ENOX1: variants seen among roughly 807,000 people sequenced by gnomAD.
ENOX1 encodes ecto-NOX disulfide-thiol exchanger 1.
ENOX1 carries 42 observed loss-of-function variants against 82.5 expected under a neutral mutation model. The ratio of observed to expected loss-of-function variants is 0.51; its 90% CI spans 0.40 to 0.66. The LOEUF is 0.66. ENOX1 is among the 30% of genes least tolerant of loss of function. The pLI is 0.00. For synonymous variants in ENOX1, 271 were observed against 282.2 expected (o/e 0.96, Z 0.40); for missense variants, 608 against 811.6 (o/e 0.75, Z 3.05).
intron 14 of ENOX1, among the ~76,000 whole-genome samples, chr13:43,259,543 A>C (rs1167117723): frequency 6.6e-6 from 1 of 152,054 alleles, no homozygotes; most frequent in African/African-American, 2.4e-5. Flanking sequence ...ATCTCGGCTT[A>C]CTGCTACCTC....
chr13:43,764,629 GA>G (rs796072069), intron 1 of ENOX1, among the ~76,000 whole-genome samples: 28 of 144,724 alleles, frequency 1.9e-4, no homozygotes, highest in East Asian at 6.2e-4. Flanking sequence ...ATGGCTCTCA[GA>G]AAAAAAAAAC....
intron 1 of ENOX1, among the ~76,000 whole-genome samples, chr13:43,693,978 C>T (rs2086504408): frequency 6.6e-6 from 1 of 152,114 alleles, no homozygotes; most frequent in African/African-American, 2.4e-5. Context: ...GGTGACTGGT[C>T]TTCCTGAGAA....
intron 2 of ENOX1, among the ~76,000 whole-genome samples, chr13:43,624,117 TTC>T (rs1397594061): frequency 3.9e-5 from 6 of 152,364 alleles, no homozygotes; most frequent in Admixed American, 1.3e-4. Flanking sequence ...ATTTTACTTA[TTC>T]TGATTCATAT....
intron 2 of ENOX1, among the ~76,000 whole-genome samples, chr13:43,506,098 T>C (rs1284815209): frequency 2.6e-5 from 4 of 152,088 alleles, no homozygotes; most frequent in Admixed American, 6.6e-5. Flanking sequence ...TCTGTTCTCT[T>C]CCATTGGTCT....
chr13:43,590,950 A>G (rs1193950486), intron 2 of ENOX1, among the ~76,000 whole-genome samples: 1 of 152,214 alleles, frequency 6.6e-6, no homozygotes, highest in Non-Finnish European at 1.5e-5. Flanking sequence ...TTAAACCAGG[A>G]GGTATCATTT....
rs1952614304 is a variant in ENOX1, at chr13:43,786,299, A to G, written c.-285+353T>C. Reference sequence around the variant, plus strand: ...GAGACGGGTGCGGGGTGCGCTGTCCAAGGTGCAGGGGAGGTGACTGGCGCG... The same window carrying G: ...GAGACGGGTGCGGGGTGCGCTGTCCGAGGTGCAGGGGAGGTGACTGGCGCG... On this transcript the variant is annotated intron_variant, in intron 1 of 16. Coordinates refer to ENST00000690772, the MANE Select transcript of ENOX1 (RefSeq NM_001347969.2). This position sits in a 1 kb window ranked among gnomAD's most constrained non-coding sequence, Gnocchi z 6.0. 6.6e-6 allele frequency among the ~76,000 whole-genome samples: 1 copy of G among 152,072 alleles called. No individual in the cohort carries two copies. Among genetic ancestry groups the G allele is most frequent in the African/African-American group, 2.4e-5 (1 of 41,412 alleles).
At chr13:43,397,729 T>C (rs1388088069) in intron 5 of ENOX1, among the ~76,000 whole-genome samples, 1 of 152,252 alleles carries the variant, frequency 6.6e-6, no homozygotes. Flanking sequence ...GAGGAAAATA[T>C]AGTTTATTAC....
chr13:43,668,485 A>G (rs541539487), intron 1 of ENOX1, among the ~76,000 whole-genome samples: 189 of 152,326 alleles, frequency 1.2e-3, no homozygotes, highest in Non-Finnish European at 2.0e-3. Flanking sequence ...ATCTGGCTAA[A>G]TCTCTTTTCT....
intron 1 of ENOX1, among the ~76,000 whole-genome samples, chr13:43,740,064 T>C (rs558498075): frequency 6.7e-6 from 1 of 149,520 alleles, no homozygotes; most frequent in South Asian, 2.1e-4. Flanking sequence ...ACTGTGCAAG[T>C]GGTCGGTGCC....
chr13:43,434,061 G>T (rs1158715315), intron 3 of ENOX1, among the ~76,000 whole-genome samples: 1 of 152,186 alleles, frequency 6.6e-6, no homozygotes, highest in Non-Finnish European at 1.5e-5. Flanking sequence ...ACTGGCAGTA[G>T]GGCCTTCCCT....
intron 2 of ENOX1, among the ~76,000 whole-genome samples, chr13:43,495,494 T>C (rs1204637148): frequency 6.6e-6 from 1 of 152,066 alleles, no homozygotes; most frequent in Non-Finnish European, 1.5e-5. Flanking sequence ...AATCTTCCAG[T>C]AGTTAATTCA....
chr13:43,357,739 T>G (rs2153557984), intron 7 of ENOX1, among the ~76,000 whole-genome samples: 1 of 152,240 alleles, frequency 6.6e-6, no homozygotes, highest in African/African-American at 2.4e-5. Context: ...AACATCATCA[T>G]TAAGGACTTA....
At chr13:43,363,644 G>A (rs556383894) in intron 5 of ENOX1, among the ~76,000 whole-genome samples, 8 of 152,138 alleles carry the variant, frequency 5.3e-5, no homozygotes, top group South Asian at 2.1e-4. Context: ...CCTGGCCCTC[G>A]CTATTATTTG....
intron 7 of ENOX1, 24 bp from the exon 8 acceptor site, chr13:43,356,176 C>A: frequency 1.2e-6 from 2 of 1,608,864 alleles, no homozygotes; most frequent in South Asian, 2.2e-5. Flanking sequence ...AAACTCTGGT[C>A]ACACCATAAT....
chr13:43,633,548 T>C (rs1230080232), intron 2 of ENOX1, among the ~76,000 whole-genome samples: 2 of 152,040 alleles, frequency 1.3e-5, no homozygotes, highest in African/African-American at 2.4e-5. Context: ...CCAAGGAATG[T>C]TGTAGAGCTA....
intron 2 of ENOX1, among the ~76,000 whole-genome samples, chr13:43,518,587 C>T (rs1156966529): frequency 6.6e-6 from 1 of 151,104 alleles, no homozygotes; most frequent in Non-Finnish European, 1.5e-5. Context: ...AGAAAGGTGA[C>T]CAGATTTCCA....
chr13:43,710,870 C>A, intron 1 of ENOX1, among the ~76,000 whole-genome samples: 1 of 124,260 alleles, frequency 8.0e-6, no homozygotes, highest in South Asian at 2.4e-4. Context: ...AAAAGAAATA[C>A]CTTTTTTTTT....
At position 43,269,565 on chromosome 13, in the gene ENOX1, T is replaced by C; in HGVS notation, c.1459A>G (p.Ile487Val). 6.2e-7 allele frequency: 1 copy of C among 1,613,568 alleles called. No homozygotes were observed. Among genetic ancestry groups the C allele is most frequent in the East Asian group, 2.2e-5 (1 of 44,868 alleles). ...MQGMQQQLLT[I>V]QEELNNKKSE... ...TTTTTGTTGTTTAACTCCTCCTGGA[T>C]GGTTAGCAATTGCTGTGAAATTAAA... Residue 487 changes from isoleucine (I) to valine (V), a missense_variant, in exon 13 of 17, where the codon ATC (isoleucine) becomes GTC (valine). Ile to Val is a conservative substitution (Grantham distance 29). Transcript: ENST00000690772.
chr13:43,398,272 A>T (rs1407566747), intron 5 of ENOX1, among the ~76,000 whole-genome samples: 1 of 152,168 alleles, frequency 6.6e-6, no homozygotes, highest in Non-Finnish European at 1.5e-5. Flanking sequence ...TTATTTAAAA[A>T]TTTTTCAGTT....
Sources: allele counts gnomAD v4.1 joint callset (sites outside exome capture counted in the v4.1 genomes callset), GRCh38; gene constraint gnomAD v4.1.1; non-coding constraint Gnocchi (gnomAD v3.1); transcripts MANE v1.5; gene names NCBI Gene and HGNC (gene_info 2026-07-23, HGNC 2026-07-21).